TBCK: variants seen among roughly 807,000 people sequenced by gnomAD.
The protein encoded by TBCK is TBC1 domain containing kinase.
In TBCK, 99 loss-of-function variants were observed where a neutral mutation model predicts 113.4. That is an observed-to-expected ratio of 0.87 (90% CI 0.74 to 1.03). The LOEUF (loss-of-function observed/expected upper bound fraction) is 1.03, where lower values mean the gene tolerates loss of function less well. Ranked by LOEUF, TBCK falls within the 50% of genes least tolerant of loss-of-function variation. The pLI, the probability that TBCK is intolerant of heterozygous loss-of-function variation, is 0.00. For synonymous variants in TBCK, 369 were observed against 370.8 expected, an observed-to-expected ratio of 1.00 and a Z score of 0.05; for missense variants, 1,045 against 1,061.3, an observed-to-expected ratio of 0.98 and a Z score of 0.21.
intron 14 of TBCK, among the ~76,000 whole-genome samples, chr4:106,235,927 C>G (rs1759408256): frequency 6.6e-6 from 1 of 152,012 alleles, no homozygotes; most frequent in African/African-American, 2.4e-5. Flanking sequence ...AGTACATTCA[C>G]ATTTATTCCA....
At chr4:106,169,809 A>C (rs1750783172) in intron 23 of TBCK, among the ~76,000 whole-genome samples, 1 of 152,132 alleles carries the variant, frequency 6.6e-6, no homozygotes, top group African/African-American at 2.4e-5. Flanking sequence ...TAATGGTCCC[A>C]TCTGGGGATA....
intron 23 of TBCK, among the ~76,000 whole-genome samples, chr4:106,153,502 ATC>A (rs1323142363): frequency 4.6e-5 from 7 of 152,154 alleles, no homozygotes; most frequent in African/African-American, 1.7e-4. Context: ...CATATGGTCT[ATC>A]TCAGAATAAT....
intron 3 of TBCK, among the ~76,000 whole-genome samples, chr4:106,284,227 G>A (rs1764903378): frequency 6.6e-6 from 1 of 151,932 alleles, no homozygotes; most frequent in Non-Finnish European, 1.5e-5. Flanking sequence ...AGATATGAAA[G>A]CCTCAAGATC....
In TBCK at chr4:106,171,135, T is replaced by C. The variant is rs769788093; in HGVS notation, c.2195A>G (p.Tyr732Cys). ...AGGATCTGGACACTCAGCAGAGAAA[T>C]AAGGTGCCGAACTTCTGCCTCCACT... ...DSSGGRSSAP[Y>C]FSAECPDPPK... The change falls in exon 23 of 26, where the codon TAT becomes TGT. Residue 732 changes from tyrosine to cysteine, a missense_variant. Physicochemically the swap from Tyr to Cys is radical, Grantham distance 194 (BLOSUM62 -2). Transcript: ENST00000394708. 42 of 1,612,300 alleles carry C rather than the reference T, an allele frequency of 2.6e-5. No homozygotes were observed. The highest frequency in any genetic ancestry group is 3.5e-5 in the Non-Finnish European group (41 of 1,179,344).
chr4:106,277,269 T>C (rs999040759), intron 3 of TBCK, among the ~76,000 whole-genome samples: 2 of 152,156 alleles, frequency 1.3e-5, no homozygotes, highest in Non-Finnish European at 2.9e-5. Flanking sequence ...TGGAAAAAGG[T>C]CTAATGGTGT....
At chr4:106,152,177 G>C (rs1323379732) in intron 23 of TBCK, among the ~76,000 whole-genome samples, 1 of 151,848 alleles carries the variant, frequency 6.6e-6, no homozygotes, top group South Asian at 2.1e-4. Context: ...TAGAGGAAAG[G>C]CTTTCAGTTT....
intron 23 of TBCK, among the ~76,000 whole-genome samples, chr4:106,165,223 CTTA>C: frequency 6.6e-6 from 1 of 151,838 alleles, no homozygotes; most frequent in South Asian, 2.1e-4. Flanking sequence ...CATATCTTTA[CTTA>C]TTATTTTCTT....
At position 106,193,765 on chromosome 4, in the gene TBCK, A is replaced by G; in HGVS notation, c.1903T>C (p.Phe635Leu). 1 of 1,558,578 alleles carries G rather than the reference A, an allele frequency of 6.4e-7. No homozygotes were observed. Residue 635 changes from phenylalanine to leucine, a missense_variant, in exon 22 of 26, where the codon TTT (phenylalanine) becomes CTT (leucine). Transcript: ENST00000394708. ...PWFLTMFTHV[F>L]PLHKIFHLWD... The stretch of plus-strand genomic sequence containing the variant: ...AGGTGGAAAATTTTGTGTAGTGGAA[A>G]TACATCTGTAAAACGATAAAAATAC...
intron 21 of TBCK, among the ~76,000 whole-genome samples, chr4:106,194,488 G>A (rs1753995487): frequency 6.6e-6 from 1 of 151,886 alleles, no homozygotes; most frequent in Non-Finnish European, 1.5e-5. Context: ...GGCAGAGTTT[G>A]TACAAATATC....
intron 25 of TBCK, among the ~76,000 whole-genome samples, chr4:106,092,855 C>A (rs28391259): frequency 0.28 from 42,507 of 152,170 alleles, 6,208 homozygotes; most frequent in Middle Eastern, 0.34. Flanking sequence ...CAGTGGCGAG[C>A]TGAAGGGCTC....
chr4:106,237,523 G>A (rs561792972), intron 12 of TBCK: 2 of 455,904 alleles, frequency 4.4e-6, no homozygotes, highest in Non-Finnish European at 8.8e-6. Context: ...CCAACTTGAA[G>A]GCAGAATGTC....
At chr4:106,101,319 A>G (rs773080767) in intron 24 of TBCK, among the ~76,000 whole-genome samples, 8 of 152,282 alleles carry the variant, frequency 5.3e-5, no homozygotes, top group Admixed American at 1.3e-4. Flanking sequence ...AGTTGCTATC[A>G]TATACTCCCA....
At chr4:106,297,447 G>C (rs1358753394) in intron 2 of TBCK, among the ~76,000 whole-genome samples, 1 of 152,074 alleles carries the variant, frequency 6.6e-6, no homozygotes, top group Non-Finnish European at 1.5e-5. Flanking sequence ...AACATTTCTA[G>C]AATCTATATA....
intron 23 of TBCK, among the ~76,000 whole-genome samples, chr4:106,122,334 G>C (rs528827977): frequency 0.027 from 4,170 of 152,192 alleles, 186 homozygotes; most frequent in African/African-American, 0.096. Context: ...GGAAGAAGTT[G>C]AATCTCTGAA....
chr4:106,164,577 T>G (rs1218078256), intron 23 of TBCK: 15 of 151,872 alleles, frequency 9.9e-5, no homozygotes. Context: ...TTTACAGTAC[T>G]GATAAAATGG....
intron 25 of TBCK, among the ~76,000 whole-genome samples, chr4:106,050,555 A>C (rs1734691777): frequency 6.6e-6 from 1 of 152,066 alleles, no homozygotes; most frequent in Admixed American, 6.6e-5. Context: ...AAAATCTCTA[A>C]CTCTTTCTAA....
chr4:106,084,244 C>T (rs1027204890), intron 25 of TBCK, among the ~76,000 whole-genome samples: 10 of 152,124 alleles, frequency 6.6e-5, no homozygotes, highest in Admixed American at 3.3e-4. Flanking sequence ...GGAACATAAA[C>T]GACCTGAAGG....
intron 24 of TBCK, among the ~76,000 whole-genome samples, chr4:106,096,341 A>C (rs1740896040): frequency 6.6e-6 from 1 of 152,242 alleles, no homozygotes. Context: ...GATCTACTTA[A>C]AATGAAAATT....
chr4:106,207,453 T>C (rs996070238), intron 20 of TBCK, among the ~76,000 whole-genome samples: 2 of 152,208 alleles, frequency 1.3e-5, no homozygotes, highest in African/African-American at 2.4e-5. Context: ...CTTGTATTGT[T>C]GTTAGAGGCA....
Sources: gnomAD v4.1 joint callset for allele counts (sites outside exome capture counted in the v4.1 genomes callset) on GRCh38, gnomAD v4.1.1 for gene constraint, MANE v1.5 for transcripts, NCBI Gene and HGNC (gene_info 2026-07-23, HGNC 2026-07-21) for gene names.